The following RBFOX1 variants were observed in gnomAD, a reference collection of about 807,000 sequenced individuals.
RBFOX1 encodes RNA binding fox-1 homolog 1.
Under a neutral mutation model 57.7 loss-of-function variants are expected in RBFOX1, and 8 were observed. The ratio of observed to expected loss-of-function variants is 0.14; its 90% CI spans 0.08 to 0.25. The LOEUF (loss-of-function observed/expected upper bound fraction) is 0.25. RBFOX1 is among the 10% of genes least tolerant of loss of function. The pLI is 1.00. For missense variants in RBFOX1, 611 were observed against 548.5 expected, an observed-to-expected ratio of 1.11 and a Z score of -1.14; for synonymous variants, 326 against 222.4, an observed-to-expected ratio of 1.47 and a Z score of -4.15.
chr16:6,258,683 T>C (rs562587875), intron 1 of RBFOX1, among the ~76,000 whole-genome samples: 43 of 152,336 alleles, frequency 2.8e-4, no homozygotes, highest in African/African-American at 1.0e-3. Flanking sequence ...GATAATTGTT[T>C]AAATGTTTAT....
At chr16:6,960,484 C>T (rs984779546) in intron 3 of RBFOX1, among the ~76,000 whole-genome samples, 1 of 152,086 alleles carries the variant, frequency 6.6e-6, no homozygotes. Flanking sequence ...TGTTATTGGG[C>T]CACGAGAATA....
intron 2 of RBFOX1, among the ~76,000 whole-genome samples, chr16:6,542,973 C>A (rs564477068): frequency 1.3e-5 from 2 of 152,224 alleles, no homozygotes; most frequent in Admixed American, 1.3e-4. Context: ...CACTCTTATC[C>A]TGGATGCCCT....
rs539787304 is a variant in RBFOX1, at chr16:6,157,891, A to G, written c.-127+137899A>G. 3.3e-5 allele frequency among the ~76,000 whole-genome samples: 5 copies of G among 152,240 alleles called. No individual in the cohort carries two copies. In the East Asian group the frequency reaches 5.8e-4, roughly 18 times the overall value. On this transcript the variant is annotated intron_variant, in intron 1 of 15. Coordinates refer to ENST00000550418, the MANE Select transcript of RBFOX1 (RefSeq NM_018723.4). ...TGAAAAGAAAGCTACCTTTTTTCCA[A>G]GAGTTGAAAGCACCAAGATTAGATC...
At chr16:7,210,685 G>A (rs1165270247) in intron 4 of RBFOX1, among the ~76,000 whole-genome samples, 1 of 152,116 alleles carries the variant, frequency 6.6e-6, no homozygotes, top group Non-Finnish European at 1.5e-5. Flanking sequence ...GTTCTTACAT[G>A]TGTTTTCTAA....
intron 2 of RBFOX1, among the ~76,000 whole-genome samples, chr16:5,553,301 A>G (rs1162001995): frequency 6.7e-6 from 1 of 150,226 alleles, no homozygotes; most frequent in African/African-American, 2.5e-5. Flanking sequence ...AGTAAGGTGT[A>G]TGCCATATGT....
chr16:6,182,618 C>T (rs1322919871), intron 1 of RBFOX1, among the ~76,000 whole-genome samples: 1 of 152,066 alleles, frequency 6.6e-6, no homozygotes, highest in African/African-American at 2.4e-5. Flanking sequence ...ATAGTTGTTT[C>T]AATTCATTTT....
chr16:7,489,338 C>A (rs1374548619), intron 4 of RBFOX1, among the ~76,000 whole-genome samples: 2 of 152,138 alleles, frequency 1.3e-5, no homozygotes, highest in South Asian at 2.1e-4. Context: ...GCAAGTATTT[C>A]ATAATTGTTC....
intron 4 of RBFOX1, among the ~76,000 whole-genome samples, chr16:5,901,937 G>T (rs2058314341): frequency 6.6e-6 from 1 of 152,102 alleles, no homozygotes; most frequent in Non-Finnish European, 1.5e-5. Context: ...TCTCCACCTA[G>T]AAGCGACTTA....
chr16:6,616,317 C>A (rs1054466806), intron 2 of RBFOX1, among the ~76,000 whole-genome samples: 21 of 151,818 alleles, frequency 1.4e-4, no homozygotes, highest in African/African-American at 5.1e-4. Flanking sequence ...ATGCTATAAT[C>A]TGTAGAGAAA....
chr16:5,448,206 A>G (rs2068311224), intron 1 of RBFOX1, among the ~76,000 whole-genome samples: 1 of 152,132 alleles, frequency 6.6e-6, no homozygotes, highest in South Asian at 2.1e-4. Context: ...ACTGTGAGGG[A>G]TGGTAAAATT....
At chr16:5,912,713 A>G (rs1488021472) in intron 4 of RBFOX1, among the ~76,000 whole-genome samples, 1 of 152,228 alleles carries the variant, frequency 6.6e-6, no homozygotes, top group Non-Finnish European at 1.5e-5. Flanking sequence ...GAGGCTTACA[A>G]AAAACATGTT....
chr16:5,809,753 G>T (rs1229650329), intron 3 of RBFOX1, among the ~76,000 whole-genome samples: 1 of 152,152 alleles, frequency 6.6e-6, no homozygotes, highest in Non-Finnish European at 1.5e-5. Context: ...CAACCATTGT[G>T]GAAGTCAGTG....
intron 2 of RBFOX1, among the ~76,000 whole-genome samples, chr16:5,498,082 G>T (rs189727753): frequency 5.3e-5 from 8 of 152,284 alleles, no homozygotes; most frequent in African/African-American, 1.9e-4. Context: ...AGAGGGGGCA[G>T]AGGGCAGACC....
At chr16:6,667,684 G>A (rs758448815) in intron 3 of RBFOX1, among the ~76,000 whole-genome samples, 1 of 152,046 alleles carries the variant, frequency 6.6e-6, no homozygotes, top group Non-Finnish European at 1.5e-5. Flanking sequence ...AGTTTGAGAT[G>A]AGCCTAGGCA....
intron 4 of RBFOX1, among the ~76,000 whole-genome samples, chr16:7,435,956 A>T (rs1179933369): frequency 1.3e-5 from 2 of 152,220 alleles, no homozygotes; most frequent in Admixed American, 6.5e-5. Flanking sequence ...GCAGCACGTC[A>T]TTCCTTTTAT....
At chr16:6,973,765 C>G (rs561465335) in intron 3 of RBFOX1, among the ~76,000 whole-genome samples, 2 of 152,154 alleles carry the variant, frequency 1.3e-5, no homozygotes, top group African/African-American at 4.8e-5. Flanking sequence ...TACCCATTAA[C>G]CGGTAGTTTT....
intron 3 of RBFOX1, among the ~76,000 whole-genome samples, chr16:5,729,881 C>G (rs777058382): frequency 6.6e-6 from 1 of 152,144 alleles, no homozygotes; most frequent in Admixed American, 6.5e-5. Context: ...AAATCCTAGC[C>G]CCGAGAGCTG....
intron 1 of RBFOX1, among the ~76,000 whole-genome samples, chr16:6,186,522 G>T (rs1263889620): frequency 1.3e-5 from 2 of 152,144 alleles, no homozygotes; most frequent in African/African-American, 4.8e-5. Flanking sequence ...ATAGTGAGGA[G>T]AGGGGCGGGG....
At chr16:7,111,503 C>A (rs374865815) in intron 4 of RBFOX1, among the ~76,000 whole-genome samples, 1 of 152,076 alleles carries the variant, frequency 6.6e-6, no homozygotes, top group Admixed American at 6.6e-5. Context: ...GAATACAGTT[C>A]TGCTGTTGGG....
Sources: gnomAD v4.1 joint callset for allele counts (sites outside exome capture counted in the v4.1 genomes callset) on GRCh38, gnomAD v4.1.1 for gene constraint, MANE v1.5 for transcripts, NCBI Gene and HGNC (gene_info 2026-07-23, HGNC 2026-07-21) for gene names.